Variants in PPP2R1B observed in about 807,000 individuals in gnomAD.
The protein encoded by PPP2R1B is protein phosphatase 2 scaffold subunit Abeta.
In PPP2R1B, 58 loss-of-function variants were observed where a neutral mutation model predicts 72.7. The ratio of observed to expected loss-of-function variants is 0.80; its 90% CI spans 0.65 to 0.99. The LOEUF (loss-of-function observed/expected upper bound fraction) is 0.99. Among genes scored for constraint, PPP2R1B ranks in the 50% least tolerant of loss-of-function variants. PPP2R1B has a pLI of 0.00. For missense variants in PPP2R1B, 695 were observed against 733.6 expected, an observed-to-expected ratio of 0.95 and a Z score of 0.61; for synonymous variants, 256 against 264.6, an observed-to-expected ratio of 0.97 and a Z score of 0.32.
the PPP2R1B span, among the ~76,000 whole-genome samples, chr11:111,716,853 G>A: frequency 3.9e-5 from 6 of 152,112 alleles, no homozygotes; most frequent in Non-Finnish European, 8.8e-5. Context: ...ACAACCCACA[G>A]AATGAGAGAA....
the PPP2R1B span, among the ~76,000 whole-genome samples, chr11:111,714,343 GT>G: frequency 6.6e-6 from 1 of 152,212 alleles, no homozygotes; most frequent in Non-Finnish European, 1.5e-5. Context: ...TGGGGATAGG[GT>G]TTGGTATCAG....
downstream of PPP2R1B, chr11:111,726,041 C>T (rs957691768): frequency 6.6e-6 from 1 of 152,150 alleles, no homozygotes; most frequent in Non-Finnish European, 1.5e-5. Context: ...TAAAGAACAT[C>T]ATTTCATTTA....
At chr11:111,703,552 A>G in the PPP2R1B span, 31 of 715,302 alleles carry the variant, frequency 4.3e-5, no homozygotes, top group Admixed American at 8.1e-4. Context: ...TGTTCCCTAT[A>G]GATGACATCA....
chr11:111,712,427 GT>G, the PPP2R1B span: 1 of 1,565,022 alleles, frequency 6.4e-7, no homozygotes, highest in Non-Finnish European at 8.7e-7. Context: ...AGAGATTTCA[GT>G]TTGGTCCACA....
chr11:111,703,114 C>T, the PPP2R1B span: 10 of 1,135,498 alleles, frequency 8.8e-6, no homozygotes, highest in Non-Finnish European at 1.3e-5. Context: ...CAAAGATTAA[C>T]ACCCTTGTAC....
At chr11:111,729,730 TCTCCA>T (rs1270152994) in intron 15 of PPP2R1B, 2 of 152,242 alleles carry the variant, frequency 1.3e-5, no homozygotes, top group African/African-American at 2.4e-5. Flanking sequence ...ACAACCTTAT[TCTCCA>T]CTCAACAGCC....
Position 111,740,588 on chromosome 11 carries a change from G to A in PPP2R1B, c.*1008C>T. ...TTATCTTAAATTTCAGAATTAATGA[G>A]GTTTTACTGTAAAAGTAGAAAAGCA... On this transcript the variant is annotated 3_prime_UTR_variant, in exon 15 of 15. Transcript: ENST00000527614. The A allele has an allele frequency of 4.1e-6, 4 of 984,818 alleles. No individual in the cohort carries two copies. The highest frequency in any genetic ancestry group is 4.8e-6 in the Non-Finnish European group (4 of 829,392). 61.0% of individuals were successfully genotyped at this position (984,818 alleles called of 1,614,324 possible). A position where few individuals can be genotyped will look rare whatever the true frequency, so the allele number is the denominator to read the frequency against.
At chr11:111,719,114 C>T in the PPP2R1B span, among the ~76,000 whole-genome samples, 1 of 152,204 alleles carries the variant, frequency 6.6e-6, no homozygotes, top group African/African-American at 2.4e-5. Context: ...AATTTTGGGC[C>T]AGTGAGCCCT....
In PPP2R1B at chr11:111,727,039, G is replaced by T. The variant is rs759984147; in HGVS notation, c.1930C>A (p.Arg644Ser). The T allele has an allele frequency of 1.9e-6, 3 of 1,613,836 alleles. No homozygotes were observed. The South Asian group carries it at 3.3e-5, about 18-fold the overall frequency. The change falls in exon 16 of 16, where the codon CGT becomes AGT. Residue 644 changes from arginine to serine, a missense_variant. Arg to Ser is a moderately radical substitution (Grantham distance 110). Coordinates refer to the PPP2R1B transcript ENST00000311129. ...GCAAGTGTGTCTCTAGTATCTCCAC[G>T]CAACTGATACACTGGTCCCTGTAAG...
chr11:111,698,133 C>G, the PPP2R1B span, among the ~76,000 whole-genome samples: 1 of 152,156 alleles, frequency 6.6e-6, no homozygotes, highest in African/African-American at 2.4e-5. Flanking sequence ...TCCCTATAGA[C>G]CCAAGTTTCT....
rs781963026 is a variant in PPP2R1B at position 111,766,365 on chromosome 11, C to T, written c.-4G>A. On this transcript the variant is annotated 5_prime_UTR_variant, in exon 1 of 15. Transcript: ENST00000527614. Reference sequence around the variant, plus strand: ...CGAGCTCTGATGCGCCCGCCATGTTCTTTCTCCTCCTGCTGCTGGTCACCG... The same window carrying T: ...CGAGCTCTGATGCGCCCGCCATGTTTTTTCTCCTCCTGCTGCTGGTCACCG... 1.5e-5 allele frequency: 23 copies of T among 1,508,140 alleles called. No homozygotes were observed. The Middle Eastern group carries it at 5.3e-4, about 34-fold the overall frequency. 93.4% of individuals were successfully genotyped at this position (1,508,140 alleles called of 1,614,324 possible). A position where few individuals can be genotyped will look rare whatever the true frequency, so the allele number is the denominator to read the frequency against.
At chr11:111,720,191 C>CT in the PPP2R1B span, among the ~76,000 whole-genome samples, 1 of 152,202 alleles carries the variant, frequency 6.6e-6, no homozygotes, top group African/African-American at 2.4e-5. Flanking sequence ...TGAAATGTCT[C>CT]TGAGTTGGCT....
At chr11:111,703,904 A>G in the PPP2R1B span, among the ~76,000 whole-genome samples, 1 of 152,230 alleles carries the variant, frequency 6.6e-6, no homozygotes, top group Non-Finnish European at 1.5e-5. Context: ...ATTAGGGGTC[A>G]TAGAACTGTG....
At chr11:111,735,985 C>T (rs1944329598), downstream of PPP2R1B, among the ~76,000 whole-genome samples, 1 of 152,154 alleles carries the variant, frequency 6.6e-6, no homozygotes, top group Non-Finnish European at 1.5e-5. Context: ...GGAAGGCTCC[C>T]TGAGTCATGG....
intron 5 of PPP2R1B, among the ~76,000 whole-genome samples, chr11:111,756,386 G>GA (rs556687775): frequency 3.8e-4 from 55 of 144,456 alleles, no homozygotes; most frequent in East Asian, 1.4e-3. Context: ...AAGTAAAAAA[G>GA]AAAAAAAAAA....
At chr11:111,702,757 A>G in the PPP2R1B span, among the ~76,000 whole-genome samples, 2 of 152,192 alleles carry the variant, frequency 1.3e-5, no homozygotes, top group African/African-American at 2.4e-5. Context: ...TTTTATGTAC[A>G]CTTTTCTCAG....
chr11:111,756,361 G>T (rs1435444747), intron 5 of PPP2R1B, among the ~76,000 whole-genome samples: 1 of 151,066 alleles, frequency 6.6e-6, no homozygotes, highest in Non-Finnish European at 1.5e-5. Flanking sequence ...TAAAGGAAAT[G>T]AAAATTTTAA....
chr11:111,741,724 A>G, intron 14 of PPP2R1B, 112 bp from the exon 15 acceptor site: 1 of 1,176,560 alleles, frequency 8.5e-7, no homozygotes, highest in Non-Finnish European at 1.2e-6. Context: ...ACAACTTCTC[A>G]CTGTGGTTAC....
In PPP2R1B at chr11:111,726,958, T is replaced by C. The variant is rs756932481; in HGVS notation, c.*7A>G. On this transcript the variant is annotated 3_prime_UTR_variant, in exon 16 of 16. Transcript: ENST00000311129. ...ATTTTTTATGTTCTTTTTTTAAATC[T>C]GGGGTATTAGTCTGTGCTTTGGGAG... 19 of 1,612,642 alleles carry C rather than the reference T, an allele frequency of 1.2e-5. No individual in the cohort carries two copies. Among genetic ancestry groups the C allele is most frequent in the Admixed American group, 3.3e-5 (2 of 59,960 alleles).
Sources: gnomAD v4.1 joint callset for allele counts (sites outside exome capture counted in the v4.1 genomes callset) on GRCh38, gnomAD v4.1.1 for gene constraint, MANE v1.5 for transcripts, NCBI Gene and HGNC (gene_info 2026-07-23, HGNC 2026-07-21) for gene names.